PTPRD: variants seen among roughly 807,000 people sequenced by gnomAD.
PTPRD encodes receptor-type tyrosine-protein phosphatase delta.
Under a neutral mutation model 214.5 loss-of-function variants are expected in PTPRD, and 34 were observed. The ratio of observed to expected loss-of-function variants is 0.16; its 90% confidence interval spans 0.12 to 0.21. The LOEUF (loss-of-function observed/expected upper bound fraction) is 0.21. Ranked by LOEUF, PTPRD falls within the 10% of genes least tolerant of loss-of-function variation. The pLI is 1.00. For missense variants in PTPRD, 2,545 were observed against 2,398.7 expected, an observed-to-expected ratio of 1.06 and a Z score of -1.27; for synonymous variants, 1,128 against 845.7, an observed-to-expected ratio of 1.33 and a Z score of -5.79.
intron 14 of PTPRD, among the ~76,000 whole-genome samples, chr9:8,557,682 G>A (rs1340496692): frequency 6.8e-6 from 1 of 146,256 alleles, no homozygotes; most frequent in African/African-American, 2.5e-5. Context: ...AGCGGAGGTT[G>A]CAGTGAGCCG....
intron 3 of PTPRD, among the ~76,000 whole-genome samples, chr9:10,171,124 G>C (rs775672272): frequency 7.2e-5 from 11 of 152,196 alleles, no homozygotes; most frequent in Non-Finnish European, 7.3e-5. Flanking sequence ...TACTGCAGAA[G>C]TGAATTAAGT....
At chr9:9,409,415 G>C (rs2074620205) in intron 8 of PTPRD, among the ~76,000 whole-genome samples, 2 of 152,030 alleles carry the variant, frequency 1.3e-5, no homozygotes, top group South Asian at 4.1e-4. Context: ...TAGTAACATG[G>C]TCCAGTAACC....
chr9:9,770,165 A>G (rs1338375889), intron 5 of PTPRD, among the ~76,000 whole-genome samples: 1 of 152,164 alleles, frequency 6.6e-6, no homozygotes, highest in African/African-American at 2.4e-5. Flanking sequence ...CTAGTTCTAG[A>G]TCCTTGAGGA....
chr9:8,962,379 T>G (rs146533502), intron 11 of PTPRD, among the ~76,000 whole-genome samples: 1 of 152,098 alleles, frequency 6.6e-6, no homozygotes, highest in Admixed American at 6.6e-5. Context: ...CTTGGGACTT[T>G]CCTATGAAAA....
At chr9:10,269,869 T>C (rs1486520028) in intron 3 of PTPRD, among the ~76,000 whole-genome samples, 2 of 152,192 alleles carry the variant, frequency 1.3e-5, no homozygotes, top group African/African-American at 4.8e-5. Flanking sequence ...ACTGCTTTAA[T>C]ACTTTTATTA....
At chr9:8,419,046 T>A (rs1301661673) in intron 35 of PTPRD, among the ~76,000 whole-genome samples, 1 of 151,830 alleles carries the variant, frequency 6.6e-6, no homozygotes, top group Non-Finnish European at 1.5e-5. Context: ...TAGTGAGACA[T>A]CGTTTCTAAA....
chr9:10,505,990 T>G (rs979117777), intron 2 of PTPRD, among the ~76,000 whole-genome samples: 7 of 152,092 alleles, frequency 4.6e-5, no homozygotes, highest in African/African-American at 1.4e-4. Flanking sequence ...GCTATAATGA[T>G]CATTTTACTC....
chr9:9,753,741 T>A (rs1230898308), intron 6 of PTPRD, among the ~76,000 whole-genome samples: 2 of 152,030 alleles, frequency 1.3e-5, no homozygotes, highest in Non-Finnish European at 2.9e-5. Flanking sequence ...ATTACAGGTG[T>A]AATTATTGGG....
At chr9:9,004,155 ACTC>A (rs1174357951) in intron 11 of PTPRD, among the ~76,000 whole-genome samples, 1 of 151,872 alleles carries the variant, frequency 6.6e-6, no homozygotes, top group Non-Finnish European at 1.5e-5. Flanking sequence ...GTCAATCAGA[ACTC>A]CTCAAATTAT....
At chr9:9,985,155 G>T (rs1482292246) in intron 4 of PTPRD, among the ~76,000 whole-genome samples, 2 of 152,102 alleles carry the variant, frequency 1.3e-5, no homozygotes, top group Non-Finnish European at 2.9e-5. Context: ...ACAACCAGTG[G>T]GTTACAACTA....
chr9:10,563,947 C>G (rs1294945613), intron 2 of PTPRD, among the ~76,000 whole-genome samples: 1 of 151,684 alleles, frequency 6.6e-6, no homozygotes, highest in East Asian at 1.9e-4. Context: ...ACATACTCTA[C>G]AGCCCACTTA....
chr9:8,538,697 T>C (rs1456325277), intron 14 of PTPRD, among the ~76,000 whole-genome samples: 1 of 151,650 alleles, frequency 6.6e-6, no homozygotes, highest in African/African-American at 2.4e-5. Flanking sequence ...ATATGACTTG[T>C]AAATGAGTAT....
rs1225477620 is a variant in PTPRD, at chr9:9,732,477, T to C, written c.-287+2056A>G. Among the ~76,000 whole-genome samples the C allele has an allele frequency of 3.3e-5, 5 of 152,174 alleles. No individual in the cohort carries two copies. In the East Asian group the frequency reaches 9.7e-4, roughly 29 times the overall value. On this transcript the variant is annotated intron_variant, in intron 7 of 45. Coordinates refer to ENST00000381196, the MANE Select transcript of PTPRD (RefSeq NM_002839.4). ...AAAAGATCATTTTGGCCATCCAGAA[T>C]TGGAAATTCATACTGACAATTTAAA...
At chr9:9,121,009 A>G (rs2099817102) in intron 10 of PTPRD, among the ~76,000 whole-genome samples, 1 of 152,168 alleles carries the variant, frequency 6.6e-6, no homozygotes, top group African/African-American at 2.4e-5. Context: ...TGAAGATATT[A>G]TTATTATCTG....
At chr9:10,160,850 G>C (rs904837710) in intron 3 of PTPRD, among the ~76,000 whole-genome samples, 6 of 151,826 alleles carry the variant, frequency 4.0e-5, no homozygotes, top group African/African-American at 1.4e-4. Context: ...AACAAAGTTA[G>C]AACTGATAAA....
intron 11 of PTPRD, among the ~76,000 whole-genome samples, chr9:8,864,630 C>G (rs2098163986): frequency 6.6e-6 from 1 of 152,128 alleles, no homozygotes; most frequent in South Asian, 2.1e-4. Context: ...AAGTGAAATA[C>G]CACACGTTGA....
chr9:9,958,975 A>C (rs1183058002), intron 4 of PTPRD, among the ~76,000 whole-genome samples: 1 of 152,178 alleles, frequency 6.6e-6, no homozygotes, highest in African/African-American at 2.4e-5. Context: ...GTCTTACCAT[A>C]AAATCAAACA....
intron 11 of PTPRD, among the ~76,000 whole-genome samples, chr9:8,789,304 T>C (rs535721238): frequency 2.0e-5 from 3 of 152,310 alleles, no homozygotes; most frequent in Admixed American, 6.5e-5. Flanking sequence ...ACAGAGGTGG[T>C]TGTCTGACCC....
At chr9:10,060,152 A>G (rs1230790261) in intron 3 of PTPRD, among the ~76,000 whole-genome samples, 5 of 152,060 alleles carry the variant, frequency 3.3e-5, no homozygotes, top group Non-Finnish European at 7.4e-5. Flanking sequence ...AAAACCTCCT[A>G]AAGTGGCCTT....
Sources: allele counts gnomAD v4.1 joint callset (sites outside exome capture counted in the v4.1 genomes callset), GRCh38; gene constraint gnomAD v4.1.1; transcripts MANE v1.5; gene names NCBI Gene and HGNC (gene_info 2026-07-23, HGNC 2026-07-21).